Variants in FGD5 observed in about 807,000 individuals in gnomAD.
FGD5 encodes the protein FYVE, RhoGEF and PH domain-containing protein 5.
In FGD5, 28 loss-of-function variants were observed where a neutral mutation model predicts 133.4. The ratio of observed to expected loss-of-function variants is 0.21; its 90% CI spans 0.16 to 0.29. FGD5 has a LOEUF of 0.29. Among genes scored for constraint, FGD5 ranks in the 10% least tolerant of loss-of-function variants. The probability of loss-of-function intolerance (pLI) is 1.00; values close to 1 mark genes in which losing one functional copy is unlikely to be tolerated. For missense variants in FGD5, 1,858 were observed against 1,895.2 expected (o/e 0.98, Z 0.36); for synonymous variants, 810 against 776.5 (o/e 1.04, Z -0.72).
At chr3:14,816,352 T>C (rs1401635922), upstream of FGD5, among the ~76,000 whole-genome samples, 1 of 152,198 alleles carries the variant, frequency 6.6e-6, no homozygotes, top group Non-Finnish European at 1.5e-5. Context: ...TATTACGCAG[T>C]GTATCAGTGT....
At chr3:14,892,569 G>A (rs376242432) in intron 4 of FGD5, among the ~76,000 whole-genome samples, 2,813 of 151,904 alleles carry the variant, frequency 0.019, 85 homozygotes, top group African/African-American at 0.064. Context: ...TGTAATCCTA[G>A]CACTTTGGGA....
chr3:14,886,164 G>A (rs1269042603), intron 4 of FGD5, among the ~76,000 whole-genome samples: 1 of 152,224 alleles, frequency 6.6e-6, no homozygotes, highest in Non-Finnish European at 1.5e-5. Context: ...GGCTGCTGCA[G>A]TTTTAACCAT....
At chr3:14,878,668 G>T (rs1243838764) in intron 2 of FGD5, among the ~76,000 whole-genome samples, 1 of 151,352 alleles carries the variant, frequency 6.6e-6, no homozygotes, top group Non-Finnish European at 1.5e-5. Context: ...AGAGCTAAAT[G>T]ACTTGTTCAA....
rs1274638466 is a variant in FGD5, at chr3:14,897,520, A to T, written c.2760A>T (p.Gly920=). The T allele has an allele frequency of 6.2e-7, 1 of 1,605,318 alleles. No homozygotes were observed. The highest frequency in any genetic ancestry group is 8.5e-7 in the Non-Finnish European group (1 of 1,176,160). Residue 920 remains glycine (G), a synonymous_variant, in exon 5 of 20, where the codon GGA becomes GGT. Coordinates refer to ENST00000285046, the MANE Select transcript of FGD5 (RefSeq NM_152536.4). The part of the protein sequence containing the change: ...MLQHLNLDFH[G]AVMRALDDMD... Reference sequence around the variant, plus strand: ...TTTTGGTGTTTCAGGATTTCCATGGAGCTGTCATGAGGGCCTTGGATGACA... The same window carrying T: ...TTTTGGTGTTTCAGGATTTCCATGGTGCTGTCATGAGGGCCTTGGATGACA...
Position 14,819,503 on chromosome 3 carries a change from G to A in FGD5, c.432G>A (p.Glu144=). 1 of 1,551,484 alleles carries A rather than the reference G, an allele frequency of 6.4e-7. No individual in the cohort carries two copies. Among genetic ancestry groups the A allele is most frequent in the African/African-American group, 1.4e-5 (1 of 73,148 alleles). ...AGGAAGGCACAGACCTTGCTCTTGA[G>A]GATGAAGGGGAGGGCTGCGCTGATG... ...EGEEGTDLAL[E]DEGEGCADEP... is the part of the protein sequence containing the mutation. The change falls in exon 1 of 20, where the codon GAG becomes GAA. Residue 144 remains glutamate (E), a synonymous_variant. Coordinates refer to ENST00000285046, the MANE Select transcript of FGD5 (RefSeq NM_152536.4). The surrounding 1 kb of genome is among the most constrained non-coding windows in gnomAD (Gnocchi z 4.1).
intron 18 of FGD5, among the ~76,000 whole-genome samples, chr3:14,928,162 G>A (rs1009161895): frequency 6.6e-6 from 1 of 151,694 alleles, no homozygotes; most frequent in African/African-American, 2.4e-5. Context: ...GGATGGTCTC[G>A]ATCTCTTGAC....
chr3:14,813,312 G>C (rs73814116), intron 1 of FGD5, among the ~76,000 whole-genome samples: 7,091 of 152,212 alleles, frequency 0.047, 551 homozygotes, highest in African/African-American at 0.16. Context: ...CTTCCTGAGC[G>C]TGAGCATGCT....
intron 2 of FGD5, among the ~76,000 whole-genome samples, chr3:14,867,908 C>T (rs148494341): frequency 0.01 from 1,582 of 152,174 alleles, 11 homozygotes; most frequent in Non-Finnish European, 0.018. Context: ...ACCCTGTGGG[C>T]CCCGGGAGGT....
chr3:14,838,183 G>A (rs1191040061), intron 1 of FGD5, among the ~76,000 whole-genome samples: 2 of 152,158 alleles, frequency 1.3e-5, no homozygotes, highest in Non-Finnish European at 2.9e-5. Flanking sequence ...TCTTTGCCCT[G>A]GCTGCAGCCT....
At chr3:14,884,439 C>T (rs2037886503) in intron 4 of FGD5, among the ~76,000 whole-genome samples, 1 of 152,214 alleles carries the variant, frequency 6.6e-6, no homozygotes, top group Non-Finnish European at 1.5e-5. Flanking sequence ...TCACTGCCTT[C>T]AGCCACACTG....
Position 14,921,937 on chromosome 3 carries a change from G to A in FGD5, c.3589G>A (p.Glu1197Lys), listed in dbSNP as rs1214747973. 4.5e-6 allele frequency: 7 copies of A among 1,569,990 alleles called. No individual in the cohort carries two copies. Among genetic ancestry groups the A allele is most frequent in the Non-Finnish European group, 6.0e-6 (7 of 1,157,556 alleles). The change falls in exon 14 of 20, where the codon GAG becomes AAG. Residue 1197 changes from glutamate to lysine, a missense_variant. Transcript: ENST00000285046. ...CCGCAGCTCCTGTGCAGAGAGGGAC[G>A]AGTGGTATGGCTGTCTGAGCAGAGC... The part of the protein sequence containing the change: ...LSASSCAERD[E>K]WYGCLSRALP...
At chr3:14,890,760 T>G (rs755042265) in intron 4 of FGD5, among the ~76,000 whole-genome samples, 2 of 152,250 alleles carry the variant, frequency 1.3e-5, no homozygotes, top group Non-Finnish European at 2.9e-5. Context: ...GAAACCAGCT[T>G]GCAGAGCAAT....
In FGD5 at chr3:14,864,152, C is replaced by T; in HGVS notation, c.2550C>T (p.Val850=). The T allele has an allele frequency of 6.2e-7, 1 of 1,613,970 alleles. No homozygotes were observed. Among genetic ancestry groups the T allele is most frequent in the Middle Eastern group, 1.6e-4 (1 of 6,062 alleles). The change falls in exon 2 of 20, where the codon GTC becomes GTT. Residue 850 remains valine (V), a synonymous_variant. Transcript: ENST00000285046. The part of the protein sequence containing the change: ...AESAYTEPYK[V]CPISSAAPKE... Reference sequence around the variant, plus strand: ...GCGCCTACACAGAGCCCTACAAAGTCTGTCCCATCTCGTCGGCAGCCCCCA... The same window carrying T: ...GCGCCTACACAGAGCCCTACAAAGTTTGTCCCATCTCGTCGGCAGCCCCCA...
chr3:14,900,440 C>G lies in FGD5; in HGVS notation c.3192C>G (p.Tyr1064Ter). ...LNNLCPDSAE[Y>*]DNTQGALSLI... The stretch of plus-strand genomic sequence containing the variant: ...ACCTTTGTCCGGACTCCGCCGAGTA[C>G]GACAACACACAGGGTGAGTCCAGCG... The change falls in exon 8 of 20, where the codon TAC becomes TAG. Residue 1064 changes from tyrosine to a stop codon, truncating the protein, a stop_gained. Coordinates refer to ENST00000285046, the MANE Select transcript of FGD5 (RefSeq NM_152536.4). LOFTEE classifies it high-confidence loss of function. 6.2e-7 allele frequency: 1 copy of G among 1,613,460 alleles called. No individual in the cohort carries two copies. The highest frequency in any genetic ancestry group is 8.5e-7 in the Non-Finnish European group (1 of 1,179,682).
chr3:14,876,796 C>T (rs761766041), intron 2 of FGD5, among the ~76,000 whole-genome samples: 9 of 152,176 alleles, frequency 5.9e-5, no homozygotes, highest in East Asian at 3.9e-4. Flanking sequence ...CTGATGTCCT[C>T]GAAGGAGGCT....
Position 14,915,299 on chromosome 3 carries a change from T to C in FGD5, c.3406-1950T>C, listed in dbSNP as rs563219607. Among the ~76,000 whole-genome samples, 13 of 152,292 alleles carry C rather than the reference T, an allele frequency of 8.5e-5. No homozygotes were observed. In the South Asian group the frequency reaches 2.7e-3, roughly 32 times the overall value. On this transcript the variant is annotated intron_variant, in intron 11 of 19. Transcript: ENST00000285046. ...GAAGAGCTAGCTGTGGGAAAACTCA[T>C]TCTGTTCCCTCAGCAGGCTCTGTCT... is the stretch of plus-strand genomic sequence containing the variant.
intron 4 of FGD5, among the ~76,000 whole-genome samples, chr3:14,895,007 T>G (rs1455486720): frequency 6.6e-6 from 1 of 152,250 alleles, no homozygotes; most frequent in Admixed American, 6.5e-5. Context: ...ATGTCTTCTT[T>G]AGAGAAATAT....
At chr3:14,844,217 A>AAT (rs869290486) in intron 1 of FGD5, among the ~76,000 whole-genome samples, 51 of 20,356 alleles carry the variant, frequency 2.5e-3, no homozygotes, top group South Asian at 4.2e-3. Context: ...AAAAAAAAAA[A>AAT]ATATATATAT....
chr3:14,822,290 G>A (rs2036520311), intron 1 of FGD5, among the ~76,000 whole-genome samples: 1 of 152,260 alleles, frequency 6.6e-6, no homozygotes, highest in South Asian at 2.1e-4. Context: ...CACCAAGACA[G>A]AAGGTTCTGG....
Sources: allele counts gnomAD v4.1 joint callset (sites outside exome capture counted in the v4.1 genomes callset), GRCh38; gene constraint gnomAD v4.1.1; non-coding constraint Gnocchi (gnomAD v3.1); transcripts MANE v1.5; gene names NCBI Gene and HGNC (gene_info 2026-07-23, HGNC 2026-07-21).